SPDYA: variants seen among roughly 807,000 people sequenced by gnomAD.
The protein encoded by SPDYA is speedy/RINGO cell cycle regulator family member A, also known as speedy protein A.
Under a neutral mutation model 36.7 loss-of-function variants are expected in SPDYA, and 11 were observed. That is an observed-to-expected ratio of 0.30 (90% CI 0.19 to 0.50). SPDYA has a LOEUF of 0.50. SPDYA is among the 20% of genes least tolerant of loss of function. The pLI, the probability that SPDYA is intolerant of heterozygous loss-of-function variation, is 0.98. For synonymous variants in SPDYA, 115 were observed against 118.7 expected, an observed-to-expected ratio of 0.97 and a Z score of 0.20; for missense variants, 287 against 370.9, an observed-to-expected ratio of 0.77 and a Z score of 1.86.
At chr2:28,815,960 T>C in intron 2 of SPDYA, 37 bp from the exon 3 acceptor site, 1 of 1,339,712 alleles carries the variant, frequency 7.5e-7, no homozygotes, top group South Asian at 1.3e-5. Context: ...ATGAAATGAA[T>C]GTGTGTGATG....
intron 5 of SPDYA, 99 bp downstream of exon 5, chr2:28,822,509 A>G (rs972463725): frequency 3.9e-6 from 2 of 507,466 alleles, no homozygotes; most frequent in Non-Finnish European, 6.8e-6. Context: ...TATATCTTTG[A>G]ATAGGCCTTC....
At chr2:28,833,918 C>A (rs1270952511) in intron 6 of SPDYA, among the ~76,000 whole-genome samples, 3 of 151,694 alleles carry the variant, frequency 2.0e-5, no homozygotes, top group African/African-American at 7.3e-5. Context: ...AAGAGATGAC[C>A]TATAAAATGA....
At chr2:28,820,801 G>A (rs1363939859) in intron 4 of SPDYA, among the ~76,000 whole-genome samples, 1 of 152,042 alleles carries the variant, frequency 6.6e-6, no homozygotes, top group Non-Finnish European at 1.5e-5. Context: ...CAAAGTACTG[G>A]GGTGAAGATT....
rs771937223 is a variant in SPDYA, at chr2:28,850,398, C to T, written c.*457C>T. 1.0e-5 allele frequency: 16 copies of T among 1,602,262 alleles called. No individual in the cohort carries two copies. Among genetic ancestry groups the T allele is most frequent in the African/African-American group, 2.7e-5 (2 of 74,492 alleles). Reference sequence around the variant, plus strand: ...ATGATCCATATGGAAAATCAGAATGCGATTCTTCTGTTGTAAAAAAATATA... The same window carrying T: ...ATGATCCATATGGAAAATCAGAATGTGATTCTTCTGTTGTAAAAAAATATA... On this transcript the variant is annotated 3_prime_UTR_variant, in exon 8 of 8. Coordinates refer to ENST00000334056, the MANE Select transcript of SPDYA (RefSeq NM_182756.4).
At chr2:28,826,949 C>G (rs1313999234) in intron 5 of SPDYA, among the ~76,000 whole-genome samples, 1 of 113,808 alleles carries the variant, frequency 8.8e-6, no homozygotes, top group African/African-American at 3.4e-5. Flanking sequence ...TCTTTTCTTT[C>G]TTTTTTTTTT....
At chr2:28,821,286 G>A (rs6758887) in intron 4 of SPDYA, among the ~76,000 whole-genome samples, 5,315 of 133,294 alleles carry the variant, frequency 0.04, 343 homozygotes, top group African/African-American at 0.14. Context: ...TGCAACCTCC[G>A]CCTCCCGGGT....
rs767399858 is a variant in SPDYA at position 28,849,960 on chromosome 2, A to G, written c.*19A>G. The stretch of plus-strand genomic sequence containing the variant: ...AGAATGAGATGGCCCAACTAAACCA[A>G]TTTGGAATCATTAACTACAAAATGT... On this transcript the variant is annotated 3_prime_UTR_variant, in exon 8 of 8. Transcript: ENST00000334056. The G allele has an allele frequency of 5.9e-6, 9 of 1,520,166 alleles. No homozygotes were observed. The highest frequency in any genetic ancestry group is 4.5e-5 in the East Asian group (2 of 44,192). 94.2% of individuals were successfully genotyped at this position (1,520,166 alleles called of 1,614,324 possible).
At chr2:28,813,110 G>C (rs1378101671) in intron 1 of SPDYA, among the ~76,000 whole-genome samples, 1 of 152,112 alleles carries the variant, frequency 6.6e-6, no homozygotes, top group African/African-American at 2.4e-5. Context: ...CCTTCAGCTT[G>C]TTGTATGTAC....
At chr2:28,837,048 A>G (rs1668621461) in intron 6 of SPDYA, among the ~76,000 whole-genome samples, 1 of 152,258 alleles carries the variant, frequency 6.6e-6, no homozygotes, top group African/African-American at 2.4e-5. Context: ...GTTCTTCACT[A>G]TCTATTACTT....
chr2:28,816,720 T>C (rs1192445898), intron 3 of SPDYA, among the ~76,000 whole-genome samples: 1 of 152,228 alleles, frequency 6.6e-6, no homozygotes, highest in Non-Finnish European at 1.5e-5. Context: ...AAAAATTAAC[T>C]ATGCTTTATC....
chr2:28,817,155 C>G (rs1228594476), intron 3 of SPDYA, among the ~76,000 whole-genome samples: 1 of 152,208 alleles, frequency 6.6e-6, no homozygotes, highest in Non-Finnish European at 1.5e-5. Context: ...AGTTCCCCTT[C>G]TTTTCATTAA....
At chr2:28,817,488 G>C (rs1175299747) in intron 3 of SPDYA, among the ~76,000 whole-genome samples, 1 of 151,828 alleles carries the variant, frequency 6.6e-6, no homozygotes, top group South Asian at 2.1e-4. Flanking sequence ...TTCAACCCGG[G>C]AGGTGGAGGT....
rs945101419 is a variant in SPDYA, at chr2:28,839,084, T to C, written c.553-1088T>C. 2.0e-5 allele frequency among the ~76,000 whole-genome samples: 3 copies of C among 152,232 alleles called. No individual in the cohort carries two copies. The South Asian group carries it at 6.2e-4, about 32-fold the overall frequency. Reference sequence around the variant, plus strand: ...ATTGTCATTTGCCAGATCCTCACTATGTGATGATTTTACTCATCTAGTCCT... The same window carrying C: ...ATTGTCATTTGCCAGATCCTCACTACGTGATGATTTTACTCATCTAGTCCT... On this transcript the variant is annotated intron_variant, in intron 6 of 7. Transcript: ENST00000334056.
In SPDYA at chr2:28,850,536, G is replaced by A. The variant is rs1258241912; in HGVS notation, c.*595G>A. The A allele has an allele frequency of 1.6e-6, 1 of 620,524 alleles. No individual in the cohort carries two copies. 38.4% of individuals were successfully genotyped at this position (620,524 alleles called of 1,614,324 possible). ...TATTTATTTCCTTGCATATGTTTTA[G>A]AGCTACTCTGCCAGTTATTATACAG... On this transcript the variant is annotated 3_prime_UTR_variant, in exon 8 of 8. Coordinates refer to ENST00000334056, the MANE Select transcript of SPDYA (RefSeq NM_182756.4).
chr2:28,828,198 G>A (rs1165207310), intron 5 of SPDYA, among the ~76,000 whole-genome samples: 1 of 151,876 alleles, frequency 6.6e-6, no homozygotes, highest in East Asian at 1.9e-4. Flanking sequence ...TGTTGGCCAG[G>A]CAGATCTTGA....
intron 2 of SPDYA, 82 bp from the exon 3 acceptor site, chr2:28,815,914 TG>T: frequency 2.4e-6 from 2 of 822,596 alleles, no homozygotes; most frequent in Non-Finnish European, 3.8e-6. Flanking sequence ...TTTATATGAC[TG>T]CATATGGTAG....
intron 7 of SPDYA, among the ~76,000 whole-genome samples, chr2:28,841,221 AC>A (rs1027861700): frequency 3.9e-5 from 6 of 152,074 alleles, no homozygotes; most frequent in African/African-American, 1.4e-4. Context: ...GACACGAGCT[AC>A]CGCACCCAGG....
At chr2:28,835,352 A>C (rs1383772880) in intron 6 of SPDYA, among the ~76,000 whole-genome samples, 1 of 151,940 alleles carries the variant, frequency 6.6e-6, no homozygotes, top group Non-Finnish European at 1.5e-5. Context: ...CGGCTTCCCA[A>C]GTAGCTAGGA....
intron 7 of SPDYA, among the ~76,000 whole-genome samples, chr2:28,847,230 C>T (rs1298957339): frequency 6.6e-6 from 1 of 151,952 alleles, no homozygotes; most frequent in African/African-American, 2.4e-5. Flanking sequence ...GTAATCCCAG[C>T]TACTTGGGAG....
Sources: allele counts gnomAD v4.1 joint callset (sites outside exome capture counted in the v4.1 genomes callset), GRCh38; gene constraint gnomAD v4.1.1; transcripts MANE v1.5; gene names NCBI Gene and HGNC (gene_info 2026-07-23, HGNC 2026-07-21).